SLIT3: variants seen among roughly 807,000 people sequenced by gnomAD.
SLIT3 encodes slit guidance ligand 3, also known as slit homolog 3 protein.
A neutral mutation model predicts 184.0 loss-of-function variants in SLIT3; 68 were observed. That is an observed-to-expected ratio of 0.37 (90% CI 0.30 to 0.45). The LOEUF is 0.45. Ranked by LOEUF, SLIT3 falls within the 20% of genes least tolerant of loss-of-function variation. SLIT3 has a pLI of 1.00. For synonymous variants in SLIT3, 831 were observed against 828.6 expected, an observed-to-expected ratio of 1.00 and a Z score of -0.05; for missense variants, 1,707 against 2,026.0, an observed-to-expected ratio of 0.84 and a Z score of 3.02.
At chr5:169,220,048 T>C (rs1177879670) in intron 3 of SLIT3, among the ~76,000 whole-genome samples, 1 of 152,162 alleles carries the variant, frequency 6.6e-6, no homozygotes, top group Non-Finnish European at 1.5e-5. Flanking sequence ...ATGGGGATCC[T>C]GTCCCAGCCC....
Position 168,685,909 on chromosome 5 carries a change from G to C in SLIT3, c.3333C>G (p.His1111Gln), listed in dbSNP as rs754398981. Residue 1111 changes from histidine (H) to glutamine (Q), a missense_variant, in exon 31 of 36, where the codon CAC becomes CAG. This residue lies in a region of SLIT3 where 1,307 missense variants were observed against 1,511.6 expected (regional missense o/e 0.86). Transcript: ENST00000519560. ...TCTGCAGTAGGACCATGGGTGGGGG[G>C]TGTTCACAGAAGGGTCCACTGGAAG... ...PQGFSGPFCE[H>Q]PPPMVLLQTS... The C allele has an allele frequency of 3.1e-6, 5 of 1,612,294 alleles. No homozygotes were observed. In the South Asian group the frequency reaches 3.3e-5, roughly 11 times the overall value.
intron 5 of SLIT3, among the ~76,000 whole-genome samples, chr5:168,856,822 C>CGCGCGCACG (rs1561970793): frequency 1.3e-5 from 2 of 150,350 alleles, no homozygotes; most frequent in Non-Finnish European, 3.0e-5. Context: ...CGCGCGCACG[C>CGCGCGCACG]CTTTGTTCAG....
At chr5:169,117,263 C>A (rs1760708105) in intron 4 of SLIT3, among the ~76,000 whole-genome samples, 1 of 152,188 alleles carries the variant, frequency 6.6e-6, no homozygotes. Flanking sequence ...GACTTACAAT[C>A]TATAAAAAGC....
At chr5:168,672,942 T>TCTCACCCCCTTCTCAC (rs1345744683) in intron 33 of SLIT3, among the ~76,000 whole-genome samples, 2 of 152,208 alleles carry the variant, frequency 1.3e-5, no homozygotes, top group Non-Finnish European at 2.9e-5. Context: ...TTCTCACCCT[T>TCTCACCCCCTTCTCAC]GCCCGTCACA....
chr5:169,211,727 GT>G, intron 3 of SLIT3, among the ~76,000 whole-genome samples: 1 of 152,164 alleles, frequency 6.6e-6, no homozygotes, highest in South Asian at 2.1e-4. Flanking sequence ...GCCTTGGGGG[GT>G]TCCCGCACCC....
chr5:169,179,233 T>A (rs1402467899), intron 4 of SLIT3, among the ~76,000 whole-genome samples: 1 of 152,044 alleles, frequency 6.6e-6, no homozygotes, highest in Non-Finnish European at 1.5e-5. Flanking sequence ...AATTTGGAAG[T>A]TTAGGTCAAT....
intron 4 of SLIT3, among the ~76,000 whole-genome samples, chr5:169,060,347 G>A (rs980456137): frequency 1.3e-5 from 2 of 152,126 alleles, no homozygotes; most frequent in East Asian, 1.9e-4. Flanking sequence ...AGCCAAGATC[G>A]CACCATTGTA....
At chr5:168,933,616 C>G (rs1192224859) in intron 4 of SLIT3, among the ~76,000 whole-genome samples, 1 of 152,144 alleles carries the variant, frequency 6.6e-6, no homozygotes, top group South Asian at 2.1e-4. Context: ...GAAATTGAGG[C>G]TCCAAAGAGC....
At chr5:169,037,736 T>C (rs1059160) in intron 4 of SLIT3, 25,003 of 152,232 alleles carry the variant, frequency 0.16, 2,867 homozygotes, top group East Asian at 0.42. Flanking sequence ...GGGGACAGAG[T>C]AGGCCCTGAC....
chr5:169,042,971 C>T (rs1203926254), intron 4 of SLIT3, among the ~76,000 whole-genome samples: 1 of 152,208 alleles, frequency 6.6e-6, no homozygotes, highest in Non-Finnish European at 1.5e-5. Flanking sequence ...AGGGTGTTTA[C>T]TGGCAACATT....
chr5:168,922,497 T>G (rs779081891), intron 4 of SLIT3, among the ~76,000 whole-genome samples: 18 of 142,250 alleles, frequency 1.3e-4, no homozygotes, highest in African/African-American at 4.4e-4. Flanking sequence ...GTGGGAACCA[T>G]AGCAAGTAAA....
chr5:169,045,903 A>G (rs992632390), intron 4 of SLIT3, among the ~76,000 whole-genome samples: 2 of 152,240 alleles, frequency 1.3e-5, no homozygotes, highest in African/African-American at 4.8e-5. Flanking sequence ...GTGAGCACTT[A>G]GACGCAGTAA....
intron 4 of SLIT3, among the ~76,000 whole-genome samples, chr5:168,955,290 T>G (rs1413100651): frequency 6.6e-6 from 1 of 152,180 alleles, no homozygotes; most frequent in Admixed American, 6.5e-5. Context: ...GAAAAGAAAA[T>G]TATTTTTCTA....
In SLIT3 at chr5:168,806,539, G is replaced by C; in HGVS notation, c.842C>G (p.Pro281Arg). 6.2e-7 allele frequency: 1 copy of C among 1,614,204 alleles called. No homozygotes were observed. The highest frequency in any genetic ancestry group is 8.5e-7 in the Non-Finnish European group (1 of 1,180,016). The change falls in exon 9 of 36, where the codon CCT becomes CGT. Residue 281 changes from proline (P) to arginine (R), a missense_variant. This residue lies in a region of SLIT3 where 1,307 missense variants were observed against 1,511.6 expected (regional missense o/e 0.86). Transcript: ENST00000519560. ...PSCNANSISCPSPCTCSNNIV... is the reference protein window; with the variant it reads ...PSCNANSISCRSPCTCSNNIV... ...GTTATTGCTGCACGTGCAGGGCGAA[G>C]GGCAGGAGATGGAGTTGGCATTGCA...
chr5:168,886,353 A>G (rs1418590300), intron 4 of SLIT3, among the ~76,000 whole-genome samples: 1 of 152,118 alleles, frequency 6.6e-6, no homozygotes, highest in Admixed American at 6.5e-5. Flanking sequence ...TCCCTTCACA[A>G]TTATCGCAGG....
At chr5:168,987,563 C>T (rs1755175003) in intron 4 of SLIT3, among the ~76,000 whole-genome samples, 1 of 152,234 alleles carries the variant, frequency 6.6e-6, no homozygotes, top group Admixed American at 6.5e-5. Context: ...GGAGATACTA[C>T]ATGCAAACTG....
intron 26 of SLIT3, chr5:168,707,719 CA>C (rs1365197790): frequency 4.7e-6 from 2 of 421,414 alleles, no homozygotes; most frequent in Non-Finnish European, 8.5e-6. Flanking sequence ...AAAGAAAATA[CA>C]AATGTTACAT....
intron 4 of SLIT3, among the ~76,000 whole-genome samples, chr5:169,090,638 C>T (rs1219060260): frequency 1.3e-5 from 2 of 152,174 alleles, no homozygotes; most frequent in Non-Finnish European, 2.9e-5. Flanking sequence ...GTGACTAAGA[C>T]GTGTTAAGGA....
At position 168,799,488 on chromosome 5, in the gene SLIT3, T is replaced by C. The variant is rs115085536; in HGVS notation, c.936-3910A>G. 4.9e-3 allele frequency among the ~76,000 whole-genome samples: 742 copies of C among 152,370 alleles called. 7 individuals are homozygous for C. The highest frequency in any genetic ancestry group is 0.017 in the African/African-American group (723 of 41,588). On this transcript the variant is annotated intron_variant, in intron 9 of 35. Coordinates refer to ENST00000519560, the MANE Select transcript of SLIT3 (RefSeq NM_003062.4). Reference sequence around the variant, plus strand: ...GAACATCTGATGGGGATTTCAGCCATTTGTGCTCTGTATTGATTTGCCCTA... The same window carrying C: ...GAACATCTGATGGGGATTTCAGCCACTTGTGCTCTGTATTGATTTGCCCTA...
Sources: gnomAD v4.1 joint callset for allele counts (sites outside exome capture counted in the v4.1 genomes callset) on GRCh38, gnomAD v4.1.1 for gene constraint, gnomAD v4.1.1 regional missense constraint, MANE v1.5 for transcripts, NCBI Gene and HGNC (gene_info 2026-07-23, HGNC 2026-07-21) for gene names.